The following PRDM1 variants were observed in gnomAD, a reference collection of about 807,000 sequenced individuals.
The protein encoded by PRDM1 is PR domain zinc finger protein 1.
In PRDM1, 13 loss-of-function variants were observed where a neutral mutation model predicts 62.8. The ratio of observed to expected loss-of-function variants is 0.21; its 90% CI spans 0.13 to 0.33. The LOEUF is 0.33. PRDM1 is among the 10% of genes least tolerant of loss of function. PRDM1 has a pLI of 1.00. For synonymous variants in PRDM1, 396 were observed against 417.6 expected, an observed-to-expected ratio of 0.95 and a Z score of 0.63; for missense variants, 895 against 1,058.8, an observed-to-expected ratio of 0.85 and a Z score of 2.15.
At chr6:106,086,083 C>T (rs1773791904), upstream of PRDM1, among the ~76,000 whole-genome samples, 1 of 152,116 alleles carries the variant, frequency 6.6e-6, no homozygotes, top group African/African-American at 2.4e-5. Flanking sequence ...GGAAGGAGGG[C>T]GATCTGGAGT....
At chr6:106,062,804 T>C (rs1773365156) in intron 1 of PRDM1, among the ~76,000 whole-genome samples, 1 of 152,180 alleles carries the variant, frequency 6.6e-6, no homozygotes, top group Admixed American at 6.5e-5. Flanking sequence ...GTGGTTCTCT[T>C]CTGGTTGCTG....
At chr6:106,046,102 AC>A (rs1369697621), upstream of PRDM1, 1 of 152,254 alleles carries the variant, frequency 6.6e-6, no homozygotes, top group Non-Finnish European at 1.5e-5. Flanking sequence ...GGAAAAAAAA[AC>A]AAAACCAAAA....
rs140252475 is a variant in PRDM1 at position 106,008,111 on chromosome 6, G to A, written c.-67+14472G>A. On this transcript the variant is annotated intron_variant, in intron 1 of 6. Coordinates refer to the PRDM1 transcript ENST00000652320. ...AGTGGGGCTGGGCGCGGTGGCTCAC[G>A]CCTGTAATCCCAACACTTTGGGAGG... Among the ~76,000 whole-genome samples, 42 of 152,314 alleles carry A rather than the reference G, an allele frequency of 2.8e-4. No homozygotes were observed. In the East Asian group the frequency reaches 5.8e-3, roughly 21 times the overall value.
chr6:106,071,484 T>C (rs1050687977), intron 1 of PRDM1, among the ~76,000 whole-genome samples: 1 of 152,060 alleles, frequency 6.6e-6, no homozygotes, highest in Non-Finnish European at 1.5e-5. Context: ...TTCCCATCGA[T>C]TTTGCATTGA....
At chr6:106,080,592 T>G (rs565139052) in intron 1 of PRDM1, among the ~76,000 whole-genome samples, 31 of 152,306 alleles carry the variant, frequency 2.0e-4, no homozygotes, top group African/African-American at 6.3e-4. Flanking sequence ...CAGGCACAAG[T>G]AGCATACAAT....
intron 1 of PRDM1, among the ~76,000 whole-genome samples, chr6:106,052,467 A>T (rs1371122036): frequency 6.6e-6 from 1 of 152,332 alleles, no homozygotes; most frequent in East Asian, 1.9e-4. Flanking sequence ...TTAACTAACA[A>T]TGTAAAAAAT....
In PRDM1 at chr6:106,105,266, A is replaced by G; in HGVS notation, c.1106A>G (p.Glu369Gly). ...TCCCCTGTGGGCCCCGGCTCTCAAGAGCACCGGGACTCCTACGCTTACTTG... is the reference window on the plus strand; with the variant it reads ...TCCCCTGTGGGCCCCGGCTCTCAAGGGCACCGGGACTCCTACGCTTACTTG... The part of the protein sequence containing the change: ...TVSPVGPGSQ[E>G]HRDSYAYLNA... Residue 369 changes from glutamate (E) to glycine (G), a missense_variant, in exon 5 of 7, where the codon GAG (glutamate) becomes GGG (glycine). Glu to Gly is a moderately conservative substitution (Grantham distance 98). Transcript: ENST00000369096. 1.2e-6 allele frequency: 2 copies of G among 1,613,782 alleles called. No individual in the cohort carries two copies. The highest frequency in any genetic ancestry group is 1.7e-6 in the Non-Finnish European group (2 of 1,179,958).
upstream of PRDM1, among the ~76,000 whole-genome samples, chr6:106,044,749 C>A (rs569869192): frequency 2.6e-5 from 4 of 152,230 alleles, no homozygotes; most frequent in Non-Finnish European, 5.9e-5. Context: ...AAGTCAGGTT[C>A]CTTCTAAAGA....
At chr6:106,100,810 C>A (rs1277189569) in intron 4 of PRDM1, among the ~76,000 whole-genome samples, 1 of 152,126 alleles carries the variant, frequency 6.6e-6, no homozygotes, top group African/African-American at 2.4e-5. Context: ...GTTTGGGGTC[C>A]TTACACAACA....
At chr6:106,078,881 C>T (rs1224621819) in intron 1 of PRDM1, among the ~76,000 whole-genome samples, 1 of 151,966 alleles carries the variant, frequency 6.6e-6, no homozygotes, top group East Asian at 1.9e-4. Flanking sequence ...AAAAATAAAA[C>T]AGCGTGAGGG....
Position 106,095,360 on chromosome 6 carries a change from G to A in PRDM1, c.292-255G>A, listed in dbSNP as rs552942080. ...AGTAATGATAAAAATAAAAGATCCC[G>A]TATTACCAGACAATAATCCCCTAGA... On this transcript the variant is annotated intron_variant, in intron 2 of 6. Transcript: ENST00000369096. 2.6e-5 allele frequency among the ~76,000 whole-genome samples: 4 copies of A among 152,236 alleles called. No homozygotes were observed. The East Asian group carries it at 5.8e-4, about 22-fold the overall frequency.
intron 1 of PRDM1, among the ~76,000 whole-genome samples, chr6:106,019,831 G>A (rs1356024845): frequency 6.6e-6 from 1 of 150,904 alleles, no homozygotes; most frequent in East Asian, 2.0e-4. Flanking sequence ...GTAGAGACGG[G>A]GTTTCACCAT....
chr6:106,013,771 G>C (rs985079762), intron 1 of PRDM1, among the ~76,000 whole-genome samples: 1 of 152,156 alleles, frequency 6.6e-6, no homozygotes, highest in Non-Finnish European at 1.5e-5. Flanking sequence ...CGCTTGGCTA[G>C]CCACACTGTC....
intron 1 of PRDM1, among the ~76,000 whole-genome samples, chr6:106,087,058 A>G (rs1206120208): frequency 6.6e-6 from 1 of 152,214 alleles, no homozygotes; most frequent in Non-Finnish European, 1.5e-5. Flanking sequence ...ACTTCCACAG[A>G]ATGTTATGTT....
intron 1 of PRDM1, among the ~76,000 whole-genome samples, chr6:106,028,782 T>C (rs139083814): frequency 6.6e-6 from 1 of 152,222 alleles, no homozygotes; most frequent in East Asian, 1.9e-4. Flanking sequence ...CTCTTTGTAA[T>C]CCATTAATCC....
intron 2 of PRDM1, among the ~76,000 whole-genome samples, chr6:106,092,146 A>C (rs959826087): frequency 6.8e-6 from 1 of 146,800 alleles, no homozygotes. Flanking sequence ...AAAAAAAAAA[A>C]ACAAACCTAT....
chr6:106,103,131 C>T (rs972304922), intron 4 of PRDM1, among the ~76,000 whole-genome samples: 1 of 152,028 alleles, frequency 6.6e-6, no homozygotes, highest in African/African-American at 2.4e-5. Context: ...CCATCACGGC[C>T]CCCCCGTCAG....
intron 1 of PRDM1, among the ~76,000 whole-genome samples, chr6:105,999,634 C>A (rs1448502604): frequency 1.3e-5 from 2 of 152,112 alleles, no homozygotes; most frequent in Non-Finnish European, 2.9e-5. Context: ...GCCCTCCTTG[C>A]ACTGGCTCAG....
chr6:106,066,917 A>G (rs557103806), intron 1 of PRDM1, among the ~76,000 whole-genome samples: 26 of 152,336 alleles, frequency 1.7e-4, no homozygotes, highest in African/African-American at 6.3e-4. Flanking sequence ...ACCTGTGGAC[A>G]TAGTGTGCCA....
Sources: allele counts gnomAD v4.1 joint callset (sites outside exome capture counted in the v4.1 genomes callset), GRCh38; gene constraint gnomAD v4.1.1; transcripts MANE v1.5; gene names NCBI Gene and HGNC (gene_info 2026-07-23, HGNC 2026-07-21).